Variants in CFDP1 observed in about 807,000 individuals in gnomAD.
CFDP1 encodes chromatin remodeling protein CFDP1.
CFDP1 carries 31 observed loss-of-function variants against 40.1 expected under a neutral mutation model. That is an observed-to-expected ratio of 0.77 (90% CI 0.58 to 1.04). The LOEUF (loss-of-function observed/expected upper bound fraction) is 1.04. Ranked by LOEUF, CFDP1 falls within the 50% of genes least tolerant of loss-of-function variation. The pLI, the probability that CFDP1 is intolerant of heterozygous loss-of-function variation, is 0.00. For synonymous variants in CFDP1, 167 were observed against 120.0 expected (o/e 1.39, Z -2.56); for missense variants, 423 against 343.4 (o/e 1.23, Z -1.83).
intron 5 of CFDP1, among the ~76,000 whole-genome samples, chr16:75,392,753 T>C (rs890549824): frequency 1.3e-5 from 2 of 152,242 alleles, no homozygotes; most frequent in Non-Finnish European, 2.9e-5. Context: ...TGTGCTCTGA[T>C]ATTTTCTCTT....
chr16:75,322,949 C>T lies in CFDP1; in HGVS notation c.651-17767G>A, dbSNP rs4888381. Among the ~76,000 whole-genome samples the T allele has an allele frequency of 2.0e-5, 3 of 152,114 alleles. No individual in the cohort carries two copies. In the East Asian group the frequency reaches 5.8e-4, roughly 29 times the overall value. ...GTGAGTGAGTGGTGAGTGAATGTGA[C>T]GGCCAAGGACATTACTGCACACTAC... On this transcript the variant is annotated intron_variant, in intron 5 of 6. Coordinates refer to ENST00000283882, the MANE Select transcript of CFDP1 (RefSeq NM_006324.3).
intron 5 of CFDP1, among the ~76,000 whole-genome samples, chr16:75,359,463 C>G (rs1352992306): frequency 2.0e-5 from 3 of 152,176 alleles, no homozygotes; most frequent in Admixed American, 1.3e-4. Context: ...GTATTAAGTG[C>G]TGAATTTTTA....
intron 5 of CFDP1, among the ~76,000 whole-genome samples, chr16:75,380,654 AC>A (rs2078845018): frequency 6.6e-6 from 1 of 152,186 alleles, no homozygotes; most frequent in African/African-American, 2.4e-5. Context: ...TCTTTTAAGA[AC>A]CGGAACGAAC....
chr16:75,294,013 C>T lies in CFDP1; in HGVS notation c.839G>A (p.Arg280Gln), dbSNP rs1381245551. 2.4e-5 allele frequency: 39 copies of T among 1,613,900 alleles called. No homozygotes were observed. Among genetic ancestry groups the T allele is most frequent in the Non-Finnish European group, 3.2e-5 (38 of 1,179,956 alleles). ...AATTTCAAACTGCCTGTGATCCACT[C>T]GGTCAAGGAAGGCTTTCCGTTCAAT... ...GYIERKAFLD[R>Q]VDHRQFEIER... is the part of the protein sequence containing the mutation. The change falls in exon 7 of 7, where the codon CGA becomes CAA. Residue 280 changes from arginine to glutamine, a missense_variant. Physicochemically the swap from Arg to Gln is conservative, Grantham distance 43. Coordinates refer to ENST00000283882, the MANE Select transcript of CFDP1 (RefSeq NM_006324.3).
intron 1 of CFDP1, among the ~76,000 whole-genome samples, chr16:75,420,374 G>A (rs2079264411): frequency 2.0e-5 from 3 of 152,102 alleles, no homozygotes; most frequent in Admixed American, 1.3e-4. Context: ...AACCCATCAA[G>A]CATTTAGATC....
Position 75,395,192 on chromosome 16 carries a change from T to C in CFDP1, c.548A>G (p.Asp183Gly), listed in dbSNP as rs751590665. The change falls in exon 5 of 7, where the codon GAT (aspartate) becomes GGT (glycine). Residue 183 changes from aspartate (D) to glycine (G), a missense_variant. Physicochemically the swap from Asp to Gly is moderately conservative, Grantham distance 94. Transcript: ENST00000283882. ...GEEVRVTKEVDATSKEAKSFF... is the reference protein window; with the variant it reads ...GEEVRVTKEVGATSKEAKSFF... ...GGATTTGGCCTCTTTAGATGTAGCA[T>C]CCACTTCCTTAGTTACCCTGTGCCA... is the stretch of plus-strand genomic sequence containing the variant. The C allele has an allele frequency of 1.9e-6, 3 of 1,613,330 alleles. No homozygotes were observed. The highest frequency in any genetic ancestry group is 1.3e-5 in the African/African-American group (1 of 74,836).
intron 1 of CFDP1, among the ~76,000 whole-genome samples, chr16:75,431,911 CTTTTTTT>C (rs71380741): frequency 0.017 from 2,308 of 134,476 alleles, 62 homozygotes; most frequent in African/African-American, 0.058. Context: ...GACTGGCTAA[CTTTTTTT>C]TTTTTTTTTT....
intron 5 of CFDP1, among the ~76,000 whole-genome samples, chr16:75,317,296 T>C (rs2078330053): frequency 6.6e-6 from 1 of 152,224 alleles, no homozygotes; most frequent in South Asian, 2.1e-4. Flanking sequence ...TCCACTCAAA[T>C]GTGGTTTCAT....
intron 5 of CFDP1, among the ~76,000 whole-genome samples, chr16:75,386,219 A>C (rs1240819345): frequency 1.3e-5 from 2 of 152,208 alleles, no homozygotes; most frequent in Non-Finnish European, 2.9e-5. Context: ...CTATAATTTG[A>C]GGCTAAGAGC....
intron 5 of CFDP1, among the ~76,000 whole-genome samples, chr16:75,340,062 C>A (rs1195899963): frequency 6.6e-6 from 1 of 152,186 alleles, no homozygotes; most frequent in Non-Finnish European, 1.5e-5. Context: ...CCTCTAGTTA[C>A]TGAAATAGTA....
intron 5 of CFDP1, among the ~76,000 whole-genome samples, chr16:75,320,854 C>T (rs532258230): frequency 6.6e-6 from 1 of 152,288 alleles, no homozygotes; most frequent in Non-Finnish European, 1.5e-5. Flanking sequence ...CTGAGTCACA[C>T]CAAGGAATAG....
intron 1 of CFDP1, 71 bp from the exon 2 acceptor site, chr16:75,414,766 T>C (rs1007925413): frequency 2.1e-6 from 2 of 971,704 alleles, no homozygotes; most frequent in Admixed American, 1.9e-5. Flanking sequence ...TTTTCATTAA[T>C]ACAAGCTTTC....
intron 5 of CFDP1, among the ~76,000 whole-genome samples, chr16:75,367,559 G>A (rs1055808827): frequency 6.6e-5 from 10 of 151,904 alleles, no homozygotes; most frequent in African/African-American, 2.2e-4. Flanking sequence ...GTGGGAGGTC[G>A]AGGTGGGCAG....
chr16:75,349,462 T>A (rs2078592839), intron 5 of CFDP1, among the ~76,000 whole-genome samples: 1 of 149,640 alleles, frequency 6.7e-6, no homozygotes, highest in Non-Finnish European at 1.5e-5. Flanking sequence ...TGAGCCAGGA[T>A]CATGCCACTG....
chr16:75,316,258 C>G (rs553572770), intron 5 of CFDP1, among the ~76,000 whole-genome samples: 1 of 152,258 alleles, frequency 6.6e-6, no homozygotes, highest in Admixed American at 6.5e-5. Flanking sequence ...TACATTTTCC[C>G]TCTGTAATTA....
chr16:75,333,447 T>A (rs1045153177), intron 5 of CFDP1, among the ~76,000 whole-genome samples: 1 of 152,232 alleles, frequency 6.6e-6, no homozygotes, highest in East Asian at 1.9e-4. Context: ...ATGACATCTT[T>A]CGATGGGCAG....
intron 5 of CFDP1, among the ~76,000 whole-genome samples, chr16:75,364,257 C>A (rs2078699227): frequency 6.6e-6 from 1 of 152,058 alleles, no homozygotes; most frequent in African/African-American, 2.4e-5. Flanking sequence ...AAGTAAAATA[C>A]TCAAAAGGTA....
intron 5 of CFDP1, among the ~76,000 whole-genome samples, chr16:75,377,694 G>GAAACC (rs2078813291): frequency 6.6e-6 from 1 of 152,178 alleles, no homozygotes; most frequent in East Asian, 1.9e-4. Context: ...GAAGGTCAGG[G>GAAACC]AAACCACTCA....
intron 5 of CFDP1, among the ~76,000 whole-genome samples, chr16:75,333,666 T>C (rs911051545): frequency 1.3e-5 from 2 of 152,210 alleles, no homozygotes; most frequent in African/African-American, 4.8e-5. Context: ...TTCAGATATA[T>C]GCTGTTCTGC....
Sources: allele counts gnomAD v4.1 joint callset (sites outside exome capture counted in the v4.1 genomes callset), GRCh38; gene constraint gnomAD v4.1.1; transcripts MANE v1.5; gene names NCBI Gene and HGNC (gene_info 2026-07-23, HGNC 2026-07-21).